PEPD: variants seen among roughly 807,000 people sequenced by gnomAD.
The protein encoded by PEPD is xaa-Pro dipeptidase.
PEPD carries 53 observed loss-of-function variants against 60.7 expected under a neutral mutation model. The observed-to-expected ratio is 0.87, with a 90% CI of 0.70 to 1.10. The LOEUF is 1.10. PEPD is among the 50% of genes least tolerant of loss of function. The pLI, the probability that PEPD is intolerant of heterozygous loss-of-function variation, is 0.00. For missense variants in PEPD, 711 were observed against 711.9 expected, an observed-to-expected ratio of 1.00 and a Z score of 0.01; for synonymous variants, 267 against 284.1, an observed-to-expected ratio of 0.94 and a Z score of 0.60.
intron 11 of PEPD, among the ~76,000 whole-genome samples, chr19:33,403,615 G>C (rs777664559): frequency 2.1e-4 from 32 of 152,194 alleles, no homozygotes; most frequent in Non-Finnish European, 3.7e-4. Context: ...GCCTCATGTG[G>C]AGCAAGGAGC....
At chr19:33,482,863 C>A (rs1049152826) in intron 6 of PEPD, among the ~76,000 whole-genome samples, 2 of 152,118 alleles carry the variant, frequency 1.3e-5, no homozygotes, top group African/African-American at 4.8e-5. Context: ...AATAAGCAAG[C>A]AGGGAAATCA....
At position 33,493,695 on chromosome 19, in the gene PEPD, C is replaced by T. The variant is rs371974161; in HGVS notation, c.394-358G>A. On this transcript the variant is annotated intron_variant, in intron 4 of 14. Transcript: ENST00000244137. ...GCAAAGTCCCTGCTCAAAGACCCGT[C>T]CCCCGGGAACCCTTTAGGCTCCAGG... Among the ~76,000 whole-genome samples the T allele has an allele frequency of 1.2e-4, 19 of 152,196 alleles. 2 individuals are homozygous for T. The highest frequency in any genetic ancestry group is 4.6e-4 in the African/African-American group (19 of 41,526).
At chr19:33,517,638 T>C (rs1317307407) in intron 1 of PEPD, among the ~76,000 whole-genome samples, 2 of 151,956 alleles carry the variant, frequency 1.3e-5, no homozygotes, top group East Asian at 3.9e-4. Flanking sequence ...CCGTGGGGTC[T>C]ACCGCACAGA....
chr19:33,498,256 C>A (rs1191233870), intron 4 of PEPD, among the ~76,000 whole-genome samples: 1 of 152,158 alleles, frequency 6.6e-6, no homozygotes, highest in African/African-American at 2.4e-5. Context: ...GTGGGGTGCT[C>A]CCGAACCCTA....
intron 3 of PEPD, among the ~76,000 whole-genome samples, chr19:33,502,404 G>T (rs1970729040): frequency 6.6e-6 from 1 of 152,176 alleles, no homozygotes; most frequent in African/African-American, 2.4e-5. Context: ...GGAGAATAGG[G>T]TCGGGAGGCG....
intron 5 of PEPD, among the ~76,000 whole-genome samples, chr19:33,492,902 GGGTCCTGTCTGTGGCCCAGACTGGA>G (rs1300729635): frequency 8.5e-5 from 13 of 152,080 alleles, no homozygotes; most frequent in African/African-American, 2.9e-4. Context: ...TTTTGAGACA[GGGTCCTGTCTGTGGCCCAGACTGGA>G]GCACAGTGGC....
At chr19:33,434,924 G>T (rs1969345909) in intron 9 of PEPD, among the ~76,000 whole-genome samples, 1 of 151,670 alleles carries the variant, frequency 6.6e-6, no homozygotes. Context: ...GGGTGGTGGG[G>T]TGGAGGGGGC....
intron 3 of PEPD, among the ~76,000 whole-genome samples, chr19:33,509,695 A>G (rs1221438898): frequency 6.6e-6 from 1 of 152,228 alleles, no homozygotes; most frequent in Non-Finnish European, 1.5e-5. Flanking sequence ...TGCAATTTAT[A>G]CATTAGCCCA....
At chr19:33,393,053 G>A (rs2145330610) in intron 12 of PEPD, among the ~76,000 whole-genome samples, 1 of 151,972 alleles carries the variant, frequency 6.6e-6, no homozygotes. Context: ...GGTGGCAGGG[G>A]TGGAGATGCC....
intron 9 of PEPD, among the ~76,000 whole-genome samples, chr19:33,442,642 G>A (rs562761526): frequency 9.3e-4 from 141 of 152,132 alleles, no homozygotes; most frequent in African/African-American, 3.3e-3. Flanking sequence ...CTGGGATGCA[G>A]AGGTTGCAGT....
At chr19:33,514,074 T>C (rs536957393) in intron 1 of PEPD, among the ~76,000 whole-genome samples, 1 of 152,172 alleles carries the variant, frequency 6.6e-6, no homozygotes, top group East Asian at 1.9e-4. Context: ...ATGGAATGAA[T>C]GAAAAAACGG....
intron 9 of PEPD, among the ~76,000 whole-genome samples, chr19:33,450,195 G>A (rs931308704): frequency 3.9e-5 from 6 of 152,184 alleles, no homozygotes; most frequent in South Asian, 4.1e-4. Context: ...CAGACCCCCC[G>A]TGCTGCCTAC....
At chr19:33,417,643 G>A (rs1373453766) in intron 9 of PEPD, among the ~76,000 whole-genome samples, 1 of 152,160 alleles carries the variant, frequency 6.6e-6, no homozygotes, top group Non-Finnish European at 1.5e-5. Context: ...ATACACAATG[G>A]TGCCTGGTAC....
At chr19:33,489,629 AAAAAAAAT>A (rs1278932501) in intron 6 of PEPD, among the ~76,000 whole-genome samples, 4 of 148,080 alleles carry the variant, frequency 2.7e-5, no homozygotes, top group Non-Finnish European at 4.4e-5. Context: ...ACTCCATCTC[AAAAAAAAT>A]AAAAAAATAA....
intron 12 of PEPD, among the ~76,000 whole-genome samples, chr19:33,397,139 G>C (rs1168161737): frequency 6.6e-6 from 1 of 152,134 alleles, no homozygotes; most frequent in Non-Finnish European, 1.5e-5. Context: ...CAGCCGCCAG[G>C]GTAGGGTCTC....
intron 7 of PEPD, among the ~76,000 whole-genome samples, chr19:33,470,679 T>G (rs11671383): frequency 2.0e-5 from 3 of 152,136 alleles, no homozygotes; most frequent in Non-Finnish European, 4.4e-5. Context: ...CTATGTGTCA[T>G]CAAAGCTACC....
At chr19:33,413,750 C>T (rs746208011) in intron 9 of PEPD, 107 bp from the exon 10 acceptor site, 107 of 715,240 alleles carry the variant, frequency 1.5e-4, no homozygotes, top group Non-Finnish European at 2.5e-4. Context: ...GTCTCCCCTG[C>T]CGTGGCCCCA....
At position 33,463,625 on chromosome 19, in the gene PEPD, T is replaced by C. The variant is rs530347804; in HGVS notation, c.624+362A>G. Among the ~76,000 whole-genome samples the C allele has an allele frequency of 7.7e-4, 117 of 152,324 alleles. 1 individual carries two copies. Among genetic ancestry groups the C allele is most frequent in the African/African-American group, 2.6e-3 (109 of 41,578 alleles). The stretch of plus-strand genomic sequence containing the variant: ...AAATGGATGATGGTAATCAGTGTGT[T>C]TGAACCACAGTTAAGGACAAAAGAT... On this transcript the variant is annotated intron_variant, in intron 8 of 14. Transcript: ENST00000244137.
intron 9 of PEPD, among the ~76,000 whole-genome samples, chr19:33,417,577 C>G (rs1051569368): frequency 6.6e-6 from 1 of 152,126 alleles, no homozygotes; most frequent in Non-Finnish European, 1.5e-5. Flanking sequence ...GGGATGATAG[C>G]GGTGCCTCCC....
Sources: gnomAD v4.1 joint callset for allele counts (sites outside exome capture counted in the v4.1 genomes callset) on GRCh38, gnomAD v4.1.1 for gene constraint, MANE v1.5 for transcripts, NCBI Gene and HGNC (gene_info 2026-07-23, HGNC 2026-07-21) for gene names.